GTF2F2: variants seen among roughly 807,000 people sequenced by gnomAD.
The protein encoded by GTF2F2 is ATP-dependent helicase GTF2F2.
In GTF2F2, 23 loss-of-function variants were observed where a neutral mutation model predicts 42.2. The observed-to-expected ratio is 0.55, with a 90% confidence interval of 0.39 to 0.77. The LOEUF (loss-of-function observed/expected upper bound fraction) is 0.77. Ranked by LOEUF, GTF2F2 falls within the 30% of genes least tolerant of loss-of-function variation. The pLI is 0.00. For synonymous variants in GTF2F2, 105 were observed against 100.8 expected (o/e 1.04, Z -0.25); for missense variants, 261 against 287.2 (o/e 0.91, Z 0.66).
At chr13:45,264,999 G>A (rs1381954357) in intron 6 of GTF2F2, among the ~76,000 whole-genome samples, 1 of 152,110 alleles carries the variant, frequency 6.6e-6, no homozygotes, top group Non-Finnish European at 1.5e-5. Flanking sequence ...GGTGGCTCAC[G>A]CCTGTAATCC....
At chr13:45,245,703 A>G (rs1252980937) in intron 5 of GTF2F2, among the ~76,000 whole-genome samples, 1 of 65,418 alleles carries the variant, frequency 1.5e-5, no homozygotes, top group South Asian at 3.4e-4. Flanking sequence ...ATATATATAC[A>G]TATACATACA....
chr13:45,283,377 CTTAT>C (rs1877341440), intron 7 of GTF2F2, 61 bp from the exon 8 acceptor site: 1 of 1,436,354 alleles, frequency 7.0e-7, no homozygotes, highest in Non-Finnish European at 9.5e-7. Flanking sequence ...GGCATATCAT[CTTAT>C]TTTAAGTTTT....
chr13:45,177,886 T>A (rs1007282217), intron 4 of GTF2F2, among the ~76,000 whole-genome samples: 1 of 152,196 alleles, frequency 6.6e-6, no homozygotes, highest in African/African-American at 2.4e-5. Context: ...ACAGTCTTGT[T>A]TTTTCTGTGG....
At chr13:45,250,626 C>A (rs982107645) in intron 5 of GTF2F2, among the ~76,000 whole-genome samples, 1 of 152,100 alleles carries the variant, frequency 6.6e-6, no homozygotes, top group Non-Finnish European at 1.5e-5. Context: ...AGGCTCCTTC[C>A]AGAGTCTGGC....
rs1872458359 is a variant in GTF2F2 at position 45,187,130 on chromosome 13, T to C, written c.305-20294T>C. ...GTTGGCAAGGTGTGGTGACTCACAC[T>C]TGTAATCCCAGCACTTTGGGAGACC... is the stretch of plus-strand genomic sequence containing the variant. On this transcript the variant is annotated intron_variant, in intron 4 of 7. Transcript: ENST00000340473. 2.0e-5 allele frequency among the ~76,000 whole-genome samples: 3 copies of C among 152,304 alleles called. No homozygotes were observed. The South Asian group carries it at 6.2e-4, about 32-fold the overall frequency.
At chr13:45,235,676 G>A (rs1346403336) in intron 5 of GTF2F2, among the ~76,000 whole-genome samples, 5 of 151,514 alleles carry the variant, frequency 3.3e-5, no homozygotes, top group Non-Finnish European at 7.4e-5. Flanking sequence ...TGCAATTTCC[G>A]CCTCCCAGGT....
At chr13:45,132,551 T>G (rs1241415615) in intron 1 of GTF2F2, among the ~76,000 whole-genome samples, 1 of 151,956 alleles carries the variant, frequency 6.6e-6, no homozygotes, top group Non-Finnish European at 1.5e-5. Context: ...TATAATCTTA[T>G]GTAACCTAAT....
chr13:45,224,965 G>A (rs1874268847), intron 5 of GTF2F2, among the ~76,000 whole-genome samples: 1 of 152,168 alleles, frequency 6.6e-6, no homozygotes, highest in African/African-American at 2.4e-5. Context: ...AGAAAGACAG[G>A]ATTTCTGTAT....
At chr13:45,133,616 G>T (rs969309788) in intron 1 of GTF2F2, among the ~76,000 whole-genome samples, 1 of 152,156 alleles carries the variant, frequency 6.6e-6, no homozygotes, top group Admixed American at 6.6e-5. Context: ...AGGCCACCTG[G>T]GCGCCATAGT....
At chr13:45,238,555 A>T (rs961515292) in intron 5 of GTF2F2, among the ~76,000 whole-genome samples, 3 of 151,942 alleles carry the variant, frequency 2.0e-5, no homozygotes, top group Non-Finnish European at 2.9e-5. Flanking sequence ...CTTCCCTGTC[A>T]CACACACATT....
At chr13:45,252,539 A>G (rs959903290) in intron 5 of GTF2F2, among the ~76,000 whole-genome samples, 4 of 152,198 alleles carry the variant, frequency 2.6e-5, no homozygotes, top group African/African-American at 9.7e-5. Context: ...GTAATTTAAG[A>G]TGATTTATTT....
chr13:45,252,008 A>G (rs1203289750), intron 5 of GTF2F2, among the ~76,000 whole-genome samples: 4 of 152,246 alleles, frequency 2.6e-5, no homozygotes, highest in Admixed American at 6.5e-5. Context: ...AAATAAGTAA[A>G]TGATTATAAG....
chr13:45,218,010 A>G lies in GTF2F2; in HGVS notation c.386+10505A>G, dbSNP rs1334163924. ...TATTACTAAGTGTGAAATAAAAGCC[A>G]TTAGATTACCTGTTCAAGTAATTTG... On this transcript the variant is annotated intron_variant, in intron 5 of 7. Coordinates refer to ENST00000340473, the MANE Select transcript of GTF2F2 (RefSeq NM_004128.3). Among the ~76,000 whole-genome samples, 3 of 152,240 alleles carry G rather than the reference A, an allele frequency of 2.0e-5. No individual in the cohort carries two copies. In the East Asian group the frequency reaches 5.8e-4, roughly 29 times the overall value.
intron 6 of GTF2F2, among the ~76,000 whole-genome samples, chr13:45,264,363 CCT>C (rs767155250): frequency 1.3e-5 from 2 of 151,710 alleles, no homozygotes; most frequent in Non-Finnish European, 2.9e-5. Context: ...CTCACTGCAA[CCT>C]CTGTCTCCTG....
At chr13:45,239,787 A>G (rs1211626425) in intron 5 of GTF2F2, among the ~76,000 whole-genome samples, 3 of 152,234 alleles carry the variant, frequency 2.0e-5, no homozygotes, top group Non-Finnish European at 2.9e-5. Flanking sequence ...TTAAATTGGG[A>G]TAGTATATAT....
intron 4 of GTF2F2, among the ~76,000 whole-genome samples, chr13:45,168,867 G>C (rs1392724822): frequency 2.0e-3 from 112 of 56,120 alleles, no homozygotes; most frequent in South Asian, 3.8e-3. Context: ...TTCCCTCCTT[G>C]CTTCTCTCCC....
chr13:45,160,737 TTTA>T (rs1402347335), intron 4 of GTF2F2, among the ~76,000 whole-genome samples: 5 of 151,918 alleles, frequency 3.3e-5, no homozygotes, highest in Non-Finnish European at 7.4e-5. Flanking sequence ...AAAGTTGAAT[TTTA>T]TTAATGACAA....
At chr13:45,184,218 G>A (rs530664422) in intron 4 of GTF2F2, among the ~76,000 whole-genome samples, 1 of 152,174 alleles carries the variant, frequency 6.6e-6, no homozygotes, top group African/African-American at 2.4e-5. Flanking sequence ...ACTTGTTTCT[G>A]TATGGAAACA....
chr13:45,203,187 A>C (rs984685686), intron 4 of GTF2F2, among the ~76,000 whole-genome samples: 5 of 151,244 alleles, frequency 3.3e-5, no homozygotes, highest in Admixed American at 3.3e-4. Flanking sequence ...AACAATTCTC[A>C]TGCCTTAGCC....
Sources: allele counts gnomAD v4.1 joint callset (sites outside exome capture counted in the v4.1 genomes callset), GRCh38; gene constraint gnomAD v4.1.1; transcripts MANE v1.5; gene names NCBI Gene and HGNC (gene_info 2026-07-23, HGNC 2026-07-21).